Variants in JADE3 observed in about 807,000 individuals in gnomAD.
The protein encoded by JADE3 is protein Jade-3.
JADE3 carries 2 observed loss-of-function variants against 50.1 expected under a neutral mutation model. That is an observed-to-expected ratio of 0.04 (90% CI 0.02 to 0.13). The LOEUF is 0.13. Among genes scored for constraint, JADE3 ranks in the 10% least tolerant of loss-of-function variants. The pLI is 1.00. For missense variants in JADE3, 475 were observed against 634.4 expected (o/e 0.75, Z 2.70); for synonymous variants, 218 against 232.9 (o/e 0.94, Z 0.58).
chrX:47,001,437 A>G (rs1556359030), intron 4 of JADE3, among the ~76,000 whole-genome samples: 1 of 111,574 alleles, frequency 9.0e-6, no homozygotes, highest in African/African-American at 3.3e-5. Flanking sequence ...TTTAATGGAA[A>G]TCTCCATACT....
At chrX:47,054,720 A>G (rs1252518618) in intron 9 of JADE3, 92 bp downstream of exon 9, 1 of 515,082 alleles carries the variant, frequency 1.9e-6, no homozygotes, top group Non-Finnish European at 3.1e-6. Flanking sequence ...GTCAGCTCAT[A>G]ATAGTGTGGG....
intron 3 of JADE3, among the ~76,000 whole-genome samples, chrX:46,988,430 C>G: frequency 9.0e-6 from 1 of 111,097 alleles, no homozygotes; most frequent in Non-Finnish European, 1.9e-5. Flanking sequence ...CATCCTGAAT[C>G]TTGTTTTATT....
intron 4 of JADE3, among the ~76,000 whole-genome samples, chrX:47,023,788 T>C (rs782730753): frequency 3.6e-5 from 4 of 111,994 alleles, no homozygotes; most frequent in Non-Finnish European, 7.5e-5. Context: ...TTGCCTGTAA[T>C]CCCAGCTACT....
intron 8 of JADE3, among the ~76,000 whole-genome samples, chrX:47,046,569 C>T (rs1184850641): frequency 8.9e-6 from 1 of 111,934 alleles, no homozygotes; most frequent in Non-Finnish European, 1.9e-5. Context: ...CAGACAAAGA[C>T]ACATCAAAAA....
chrX:46,912,556 G>A lies in JADE3; in HGVS notation c.-175G>A, dbSNP rs2147098582. Reference sequence around the variant, plus strand: ...GAGCTGAGGCGCGGGGGGCGGCCCCGGCGGGGGGCGGGGGCGAGGAGGGGA... The same window carrying A: ...GAGCTGAGGCGCGGGGGGCGGCCCCAGCGGGGGGCGGGGGCGAGGAGGGGA... On this transcript the variant is annotated 5_prime_UTR_variant, in exon 1 of 11. Transcript: ENST00000614628. 9.0e-6 allele frequency: 1 copy of A among 111,124 alleles called. No individual in the cohort carries two copies. Among genetic ancestry groups the A allele is most frequent in the African/African-American group, 3.2e-5 (1 of 30,883 alleles). 9.2% of individuals were successfully genotyped at this position (111,124 alleles called of 1,213,427 possible).
At chrX:46,920,939 T>C (rs5952971) in intron 1 of JADE3, among the ~76,000 whole-genome samples, 25 of 112,161 alleles carry the variant, frequency 2.2e-4, no homozygotes, top group Middle Eastern at 4.6e-3. Flanking sequence ...ATGCTTAAGT[T>C]ACTTTTTAAA....
At chrX:46,951,353 G>T (rs1265653573) in intron 1 of JADE3, among the ~76,000 whole-genome samples, 4 of 92,943 alleles carry the variant, frequency 4.3e-5, no homozygotes, top group African/African-American at 1.5e-4. Flanking sequence ...TTGGGAGGCC[G>T]AGGCAGGCAG....
At chrX:46,956,743 CT>C (rs1233673547) in intron 1 of JADE3, among the ~76,000 whole-genome samples, 34 of 108,304 alleles carry the variant, frequency 3.1e-4, no homozygotes, top group African/African-American at 1.1e-3. Flanking sequence ...TTCCTTTTTT[CT>C]TTTTTTTCTT....
intron 4 of JADE3, among the ~76,000 whole-genome samples, chrX:47,018,775 C>T (rs977508948): frequency 8.9e-6 from 1 of 111,912 alleles, no homozygotes; most frequent in Admixed American, 9.5e-5. Context: ...TTCTGTGGGT[C>T]AGGAAATCAG....
chrX:46,952,980 G>C (rs1055454696), intron 1 of JADE3, among the ~76,000 whole-genome samples: 6 of 108,716 alleles, frequency 5.5e-5, no homozygotes, highest in Middle Eastern at 4.6e-3. Flanking sequence ...GTGACAGAGC[G>C]AGACTGTCTC....
At chrX:47,041,447 G>C (rs1350428049) in intron 8 of JADE3, among the ~76,000 whole-genome samples, 1 of 110,640 alleles carries the variant, frequency 9.0e-6, no homozygotes, top group Non-Finnish European at 1.9e-5. Context: ...CTGGAGTGCA[G>C]TGACACAATC....
intron 4 of JADE3, among the ~76,000 whole-genome samples, chrX:47,004,227 C>T (rs1272438893): frequency 1.8e-5 from 2 of 111,305 alleles, no homozygotes; most frequent in East Asian, 5.6e-4. Context: ...CACCCAACCT[C>T]TCATGATATT....
chrX:46,943,320 G>GT (rs782112338), intron 1 of JADE3, among the ~76,000 whole-genome samples: 1 of 111,600 alleles, frequency 9.0e-6, no homozygotes, highest in Non-Finnish European at 1.9e-5. Context: ...ATTGATTATG[G>GT]TGTTGGCTTT....
chrX:46,950,259 A>G (rs1029200886), intron 1 of JADE3, among the ~76,000 whole-genome samples: 1 of 112,087 alleles, frequency 8.9e-6, no homozygotes, highest in Non-Finnish European at 1.9e-5. Context: ...GAATATTTCC[A>G]TCACGCTAAT....
chrX:47,005,746 G>C (rs782400521), intron 4 of JADE3, among the ~76,000 whole-genome samples: 1 of 111,765 alleles, frequency 8.9e-6, no homozygotes, highest in South Asian at 3.8e-4. Flanking sequence ...GGCCATGCAG[G>C]AAACAATAGC....
At chrX:46,913,375 C>A (rs1237403955) in intron 1 of JADE3, among the ~76,000 whole-genome samples, 1 of 110,887 alleles carries the variant, frequency 9.0e-6, no homozygotes, top group Non-Finnish European at 1.9e-5. Context: ...CTCCCACTGG[C>A]GGCATTGTTC....
chrX:47,031,893 A>C (rs1358863250), intron 6 of JADE3, among the ~76,000 whole-genome samples: 1 of 110,965 alleles, frequency 9.0e-6, no homozygotes, highest in East Asian at 2.8e-4. Flanking sequence ...ATTAAAGAAC[A>C]CATGATGCTG....
intron 1 of JADE3, among the ~76,000 whole-genome samples, chrX:46,956,633 C>T (rs1333727873): frequency 1.8e-5 from 2 of 110,040 alleles, no homozygotes; most frequent in Non-Finnish European, 3.8e-5. Flanking sequence ...CTCAAGCGAT[C>T]CTCCCACCTC....
In JADE3 at chrX:47,058,605, A is replaced by G. The variant is rs782058677; in HGVS notation, c.2000A>G (p.Asn667Ser). The G allele has an allele frequency of 1.7e-5, 20 of 1,211,213 alleles. No homozygotes were observed. Among genetic ancestry groups the G allele is most frequent in the Admixed American group, 6.5e-5 (3 of 45,924 alleles). ...CCTAACTCCAAGTTTGCCAAATCCA[A>G]TGGCCTGGAGGGCAGCTGGTCTGGG... The part of the protein sequence containing the change: ...SQPNSKFAKS[N>S]GLEGSWSGNV... The change falls in exon 11 of 11, where the codon AAT (asparagine) becomes AGT (serine). Residue 667 changes from asparagine (N) to serine (S), a missense_variant. This residue lies in a region of JADE3 where 243 missense variants were observed against 238.2 expected (regional missense o/e 1.02). Transcript: ENST00000614628.
Sources: allele counts gnomAD v4.1 joint callset (sites outside exome capture counted in the v4.1 genomes callset), GRCh38; gene constraint gnomAD v4.1.1; regional missense constraint gnomAD v4.1.1; transcripts MANE v1.5; gene names NCBI Gene and HGNC (gene_info 2026-07-23, HGNC 2026-07-21).